Variants in BABAM2 observed in about 807,000 individuals in gnomAD.
BABAM2 encodes the protein BRISC and BRCA1 A complex member 2, also known as BRISC and BRCA1-A complex member 2.
A neutral mutation model predicts 54.7 loss-of-function variants in BABAM2; 31 were observed. The ratio of observed to expected loss-of-function variants is 0.57; its 90% CI spans 0.43 to 0.77. The LOEUF is 0.77. Among genes scored for constraint, BABAM2 ranks in the 30% least tolerant of loss-of-function variants. The pLI is 0.00. For synonymous variants in BABAM2, 167 were observed against 162.9 expected, an observed-to-expected ratio of 1.03 and a Z score of -0.19; for missense variants, 364 against 455.8, an observed-to-expected ratio of 0.80 and a Z score of 1.83.
intron 4 of BABAM2, among the ~76,000 whole-genome samples, chr2:28,020,143 A>G (rs557140772): frequency 1.5e-3 from 230 of 152,342 alleles, no homozygotes; most frequent in Middle Eastern, 0.01. Context: ...TTTAGGGCCA[A>G]ATGATGCAAG....
At chr2:27,894,249 T>G (rs1378447573) in intron 1 of BABAM2, among the ~76,000 whole-genome samples, 1 of 151,894 alleles carries the variant, frequency 6.6e-6, no homozygotes, top group Non-Finnish European at 1.5e-5. Context: ...CCACTTTGAG[T>G]AGAGTGTGGC....
intron 10 of BABAM2, among the ~76,000 whole-genome samples, chr2:28,284,292 C>T (rs974484139): frequency 6.6e-6 from 1 of 151,832 alleles, no homozygotes; most frequent in Non-Finnish European, 1.5e-5. Flanking sequence ...GACCAAGGAG[C>T]TAGTCAGAAA....
intron 3 of BABAM2, among the ~76,000 whole-genome samples, chr2:27,947,849 C>T (rs1333086025): frequency 6.6e-6 from 1 of 152,092 alleles, no homozygotes; most frequent in Non-Finnish European, 1.5e-5. Context: ...GAAAAGAATG[C>T]TCTTTCTCTT....
chr2:28,095,444 A>G (rs1666528854), intron 6 of BABAM2, among the ~76,000 whole-genome samples: 2 of 152,236 alleles, frequency 1.3e-5, no homozygotes, highest in South Asian at 2.1e-4. Flanking sequence ...TCTAATACCT[A>G]GCACAGGGGC....
At chr2:28,141,690 A>G (rs1295776834) in intron 7 of BABAM2, among the ~76,000 whole-genome samples, 2 of 152,160 alleles carry the variant, frequency 1.3e-5, no homozygotes, top group Non-Finnish European at 2.9e-5. Context: ...CATTAAGCTC[A>G]TGTTGTTCAC....
intron 6 of BABAM2, among the ~76,000 whole-genome samples, chr2:28,091,175 T>C (rs1455557315): frequency 6.6e-6 from 1 of 152,210 alleles, no homozygotes; most frequent in Non-Finnish European, 1.5e-5. Flanking sequence ...AGCCTTTTGT[T>C]TTCTAGTCCT....
intron 7 of BABAM2, among the ~76,000 whole-genome samples, chr2:28,130,744 T>G (rs552124729): frequency 1.3e-5 from 2 of 151,732 alleles, no homozygotes; most frequent in South Asian, 4.2e-4. Context: ...GTTTTTTGTT[T>G]GTTTGTTTGT....
At chr2:28,093,011 G>C (rs751049193) in intron 6 of BABAM2, among the ~76,000 whole-genome samples, 14 of 152,054 alleles carry the variant, frequency 9.2e-5, no homozygotes, top group Non-Finnish European at 1.8e-4. Flanking sequence ...TTAAAAGGTA[G>C]CTTTTTAGGA....
At chr2:28,028,958 G>T (rs1676098964) in intron 5 of BABAM2, among the ~76,000 whole-genome samples, 1 of 152,020 alleles carries the variant, frequency 6.6e-6, no homozygotes, top group South Asian at 2.1e-4. Flanking sequence ...GTAGAGACGG[G>T]ATTTCACTAT....
intron 6 of BABAM2, among the ~76,000 whole-genome samples, chr2:28,108,104 T>C (rs1468399821): frequency 6.6e-6 from 1 of 152,178 alleles, no homozygotes; most frequent in Admixed American, 6.5e-5. Context: ...TTTATGTTTG[T>C]TTATTTTTTA....
At chr2:28,132,647 T>G (rs1670189154) in intron 7 of BABAM2, among the ~76,000 whole-genome samples, 1 of 152,202 alleles carries the variant, frequency 6.6e-6, no homozygotes, top group Admixed American at 6.5e-5. Flanking sequence ...GTTGAAATAC[T>G]ATACTTTTTC....
intron 3 of BABAM2, among the ~76,000 whole-genome samples, chr2:27,955,104 C>T (rs1192469118): frequency 6.6e-6 from 1 of 152,188 alleles, no homozygotes; most frequent in East Asian, 1.9e-4. Flanking sequence ...TGTAACTCTT[C>T]CTACAAAGGA....
intron 6 of BABAM2, among the ~76,000 whole-genome samples, chr2:28,128,692 C>G (rs1669779895): frequency 6.6e-6 from 1 of 152,074 alleles, no homozygotes; most frequent in South Asian, 2.1e-4. Context: ...TTATAGTGTT[C>G]TTATAACTAG....
intron 4 of BABAM2, among the ~76,000 whole-genome samples, chr2:28,008,071 C>T (rs1424734469): frequency 6.6e-6 from 1 of 152,076 alleles, no homozygotes; most frequent in Non-Finnish European, 1.5e-5. Flanking sequence ...GCAGTATTTG[C>T]ATAGAGATGA....
intron 3 of BABAM2, among the ~76,000 whole-genome samples, chr2:27,939,731 A>G (rs994117390): frequency 6.6e-6 from 1 of 152,228 alleles, no homozygotes; most frequent in Non-Finnish European, 1.5e-5. Flanking sequence ...ATGTAACTAA[A>G]CTTATTTTTC....
chr2:28,284,179 C>T (rs1402662077), intron 10 of BABAM2, among the ~76,000 whole-genome samples: 1 of 152,106 alleles, frequency 6.6e-6, no homozygotes, highest in Non-Finnish European at 1.5e-5. Flanking sequence ...AGCAATCATA[C>T]CTTTATCTCA....
chr2:28,157,435 A>G (rs1163067804), intron 7 of BABAM2, among the ~76,000 whole-genome samples: 2 of 152,230 alleles, frequency 1.3e-5, no homozygotes, highest in Non-Finnish European at 2.9e-5. Context: ...CCTAGCATAT[A>G]TGAGACAACA....
intron 3 of BABAM2, among the ~76,000 whole-genome samples, chr2:27,956,572 G>A (rs1670105975): frequency 6.6e-6 from 1 of 152,068 alleles, no homozygotes; most frequent in South Asian, 2.1e-4. Flanking sequence ...GTGATACAAA[G>A]GCACTAAAAG....
In BABAM2 at chr2:28,115,662, A is replaced by T. The variant is rs1024703946; in HGVS notation, c.571-13609A>T. The stretch of plus-strand genomic sequence containing the variant: ...AATAAAAATAAATAAATAGATAAAT[A>T]AAAAAAAGAGTAGGTCCAATTTGGA... On this transcript the variant is annotated intron_variant, in intron 6 of 11. Transcript: ENST00000379624. Among the ~76,000 whole-genome samples, 12 of 151,706 alleles carry T rather than the reference A, an allele frequency of 7.9e-5. No homozygotes were observed. In the South Asian group the frequency reaches 8.3e-4, roughly 11 times the overall value.
Sources: gnomAD v4.1 joint callset for allele counts (sites outside exome capture counted in the v4.1 genomes callset) on GRCh38, gnomAD v4.1.1 for gene constraint, MANE v1.5 for transcripts, NCBI Gene and HGNC (gene_info 2026-07-23, HGNC 2026-07-21) for gene names.